SLC8B1: variants seen among roughly 807,000 people sequenced by gnomAD.
SLC8B1 encodes the protein mitochondrial sodium/calcium exchanger protein.
SLC8B1 carries 52 observed loss-of-function variants against 63.4 expected under a neutral mutation model. The observed-to-expected ratio is 0.82, with a 90% CI of 0.66 to 1.03. The LOEUF (loss-of-function observed/expected upper bound fraction) is 1.03, where lower values mean the gene tolerates loss of function less well. Among genes scored for constraint, SLC8B1 ranks in the 50% least tolerant of loss-of-function variants. The probability of loss-of-function intolerance (pLI) is 0.00; values close to 1 mark genes in which losing one functional copy is unlikely to be tolerated. For missense variants in SLC8B1, 657 were observed against 741.7 expected, an observed-to-expected ratio of 0.89 and a Z score of 1.33; for synonymous variants, 336 against 323.9, an observed-to-expected ratio of 1.04 and a Z score of -0.40.
intron 2 of SLC8B1, among the ~76,000 whole-genome samples, chr12:113,323,358 C>A (rs1956956391): frequency 1.3e-5 from 2 of 152,210 alleles, no homozygotes; most frequent in Non-Finnish European, 1.5e-5. Flanking sequence ...TAAGCCTGCA[C>A]CCACATTGGC....
chr12:113,331,133 A>G (rs1191382979), intron 2 of SLC8B1, among the ~76,000 whole-genome samples: 1 of 152,054 alleles, frequency 6.6e-6, no homozygotes, highest in Non-Finnish European at 1.5e-5. Flanking sequence ...GGAGCCATCC[A>G]CAACTCCTCT....
chr12:113,329,554 G>T (rs1197112177), intron 2 of SLC8B1, among the ~76,000 whole-genome samples: 2 of 152,098 alleles, frequency 1.3e-5, no homozygotes, highest in Non-Finnish European at 2.9e-5. Context: ...GAGCTGCACA[G>T]CCCTCCCCCA....
chr12:113,303,412 C>T (rs1956626280), intron 15 of SLC8B1, among the ~76,000 whole-genome samples: 1 of 152,120 alleles, frequency 6.6e-6, no homozygotes, highest in African/African-American at 2.4e-5. Context: ...ACTCGTGCCT[C>T]TGGGAGAAAC....
chr12:113,334,233 A>G (rs779125380), intron 1 of SLC8B1, among the ~76,000 whole-genome samples: 10 of 152,248 alleles, frequency 6.6e-5, no homozygotes, highest in Non-Finnish European at 1.3e-4. Flanking sequence ...AAAAGTCCTC[A>G]GCAAACTAAA....
intron 2 of SLC8B1, among the ~76,000 whole-genome samples, chr12:113,322,992 G>A (rs1013383838): frequency 2.6e-5 from 4 of 152,080 alleles, no homozygotes; most frequent in Non-Finnish European, 5.9e-5. Context: ...AAGTGGTACA[G>A]AGAAGGGATA....
At position 113,334,563 on chromosome 12, in the gene SLC8B1, T is replaced by G. The variant is rs995526703; in HGVS notation, c.-203A>C. The G allele has an allele frequency of 7.2e-5, 11 of 152,224 alleles. No individual in the cohort carries two copies. Among genetic ancestry groups the G allele is most frequent in the African/African-American group, 2.4e-4 (10 of 41,454 alleles). 9.4% of individuals were successfully genotyped at this position (152,224 alleles called of 1,614,324 possible). A position where few individuals can be genotyped will look rare whatever the true frequency, so the allele number is the denominator to read the frequency against. On this transcript the variant is annotated 5_prime_UTR_variant, in exon 1 of 16. Transcript: ENST00000680972. ...GGACACCCCTGGTTTCAAATTCGTC[T>G]CGGCCACTTACTATCTGTGTGGCCT...
In SLC8B1 at chr12:113,321,198, A is replaced by C; in HGVS notation, c.307T>G (p.Tyr103Asp). 3 of 1,613,978 alleles carry C rather than the reference A, an allele frequency of 1.9e-6. No individual in the cohort carries two copies. The South Asian group carries it at 3.3e-5, about 18-fold the overall frequency. ...PSLLPLAVTL[Y>D]VSWLLYLFLI... ...AGCCCCCCAGGGCAGGGCCTCACGT[A>C]GAGAGTGACAGCCAGAGGGAGGAGG... The change falls in exon 3 of 16, where the codon TAC becomes GAC. Residue 103 changes from tyrosine (Y) to aspartate (D), a missense_variant and splice_region_variant. Physicochemically the swap from Tyr to Asp is radical, Grantham distance 160. Transcript: ENST00000680972.
chr12:113,306,604 GGT>G, intron 13 of SLC8B1, 29 bp from the exon 14 acceptor site: 1 of 1,597,256 alleles, frequency 6.3e-7, no homozygotes, highest in Non-Finnish European at 8.6e-7. Context: ...GGCCTGCAGT[GGT>G]GAGTCGCTTC....
intron 11 of SLC8B1, among the ~76,000 whole-genome samples, chr12:113,313,589 A>C (rs1470643442): frequency 6.6e-6 from 1 of 152,028 alleles, no homozygotes; most frequent in Non-Finnish European, 1.5e-5. Context: ...AAAAATATAA[A>C]AATTGGCCGG....
intron 8 of SLC8B1, among the ~76,000 whole-genome samples, chr12:113,318,722 A>G (rs1956879029): frequency 1.3e-5 from 2 of 152,144 alleles, no homozygotes; most frequent in Non-Finnish European, 2.9e-5. Flanking sequence ...ATTCTTAGAG[A>G]GATGGCCCTG....
rs986579647 is a variant in SLC8B1, at chr12:113,323,474, C to T, written c.157-2126G>A. Among the ~76,000 whole-genome samples, 16 of 152,156 alleles carry T rather than the reference C, an allele frequency of 1.1e-4. No homozygotes were observed. The East Asian group carries it at 1.2e-3, about 11-fold the overall frequency. On this transcript the variant is annotated intron_variant, in intron 2 of 15. Coordinates refer to ENST00000680972, the MANE Select transcript of SLC8B1 (RefSeq NM_001358345.2). ...CTGTAATCCCAGCACGTTGGGAGGC[C>T]GAGGTAGGCGGATCACTTGAGGTCA... is the stretch of plus-strand genomic sequence containing the variant.
intron 2 of SLC8B1, among the ~76,000 whole-genome samples, chr12:113,323,574 T>G (rs2891437): frequency 0.16 from 23,867 of 151,948 alleles, 2,722 homozygotes; most frequent in African/African-American, 0.32. Flanking sequence ...CCAGGCGTGG[T>G]GACATCCACC....
At chr12:113,318,888 A>C in intron 8 of SLC8B1, 76 bp downstream of exon 8, 2 of 1,133,168 alleles carry the variant, frequency 1.8e-6, no homozygotes, top group Non-Finnish European at 2.7e-6. Flanking sequence ...GCCTCAGGAG[A>C]CCCTGGGCAG....
chr12:113,303,141 A>ACACACACACACACACACACACG (rs773636454), intron 15 of SLC8B1, among the ~76,000 whole-genome samples: 81 of 145,734 alleles, frequency 5.6e-4, no homozygotes, highest in African/African-American at 2.0e-3. Context: ...ACACACACAC[A>ACACACACACACACACACACACG]CGCGCGCGCA....
chr12:113,309,636 G>C (rs1035892406), intron 12 of SLC8B1, among the ~76,000 whole-genome samples: 2 of 152,134 alleles, frequency 1.3e-5, no homozygotes, highest in African/African-American at 4.8e-5. Flanking sequence ...TGCGCCTGTA[G>C]TCCCATCTAC....
At position 113,317,007 on chromosome 12, in the gene SLC8B1, GGA is replaced by G; in HGVS notation, c.803-8_803-7del. 1 of 1,611,796 alleles carries G rather than the reference GGA, an allele frequency of 6.2e-7. No homozygotes were observed. Among genetic ancestry groups the G allele is most frequent in the South Asian group, 1.1e-5 (1 of 90,322 alleles). On this transcript the variant is annotated splice_polypyrimidine_tract_variant and splice_region_variant and intron_variant, in intron 8 of 15. Transcript: ENST00000680972. ...CTCGGAGTCTGAGAGGATCTCTGCAGGAGAGAGGCCCAGTTACATACAGAACC... is the reference window on the plus strand; with the variant it reads ...CTCGGAGTCTGAGAGGATCTCTGCAGGAGAGGCCCAGTTACATACAGAACC...
chr12:113,332,980 A>G lies in SLC8B1; in HGVS notation c.-82-20T>C. The G allele has an allele frequency of 3.5e-6, 5 of 1,427,804 alleles. No homozygotes were observed. Among genetic ancestry groups the G allele is most frequent in the South Asian group, 2.6e-5 (2 of 76,970 alleles). 88.4% of individuals were successfully genotyped at this position (1,427,804 alleles called of 1,614,324 possible). Reference sequence around the variant, plus strand: ...GGTGGCCTGCAAGGTGGGAGTGAGAAAGGGGGACAACATTACTGAAAACCC... The same window carrying G: ...GGTGGCCTGCAAGGTGGGAGTGAGAGAGGGGGACAACATTACTGAAAACCC... On this transcript the variant is annotated intron_variant, in intron 1 of 15. Coordinates refer to ENST00000680972, the MANE Select transcript of SLC8B1 (RefSeq NM_001358345.2).
chr12:113,329,809 C>T (rs1176682329), intron 2 of SLC8B1, among the ~76,000 whole-genome samples: 1 of 152,232 alleles, frequency 6.6e-6, no homozygotes, highest in Non-Finnish European at 1.5e-5. Flanking sequence ...ATCACATCCT[C>T]TTGTGCTCTA....
At position 113,319,155 on chromosome 12, in the gene SLC8B1, G is replaced by A. The variant is rs905260983; in HGVS notation, c.695-84C>T. 1.9e-5 allele frequency: 20 copies of A among 1,041,758 alleles called. 1 individual carries two copies. The highest frequency in any genetic ancestry group is 1.1e-4 in the Admixed American group (6 of 53,860). 64.5% of individuals were successfully genotyped at this position (1,041,758 alleles called of 1,614,324 possible). Reference sequence around the variant, plus strand: ...CAGCTGGCAGTTCTATCAGTGGTGCGTGTTAGCGGTGGCAATCTGTGTTAG... The same window carrying A: ...CAGCTGGCAGTTCTATCAGTGGTGCATGTTAGCGGTGGCAATCTGTGTTAG... On this transcript the variant is annotated intron_variant, in intron 7 of 15. Transcript: ENST00000680972.
Sources: gnomAD v4.1 joint callset for allele counts (sites outside exome capture counted in the v4.1 genomes callset) on GRCh38, gnomAD v4.1.1 for gene constraint, MANE v1.5 for transcripts, NCBI Gene and HGNC (gene_info 2026-07-23, HGNC 2026-07-21) for gene names.